The following PIBF1 variants were observed in gnomAD, a reference collection of about 807,000 sequenced individuals.
PIBF1 encodes progesterone immunomodulatory binding factor 1.
Under a neutral mutation model 112.5 loss-of-function variants are expected in PIBF1, and 90 were observed. The observed-to-expected ratio is 0.80, with a 90% CI of 0.67 to 0.95. PIBF1 has a LOEUF of 0.95. Ranked by LOEUF, PIBF1 falls within the 40% of genes least tolerant of loss-of-function variation. The pLI is 0.00. For synonymous variants in PIBF1, 301 were observed against 288.6 expected (o/e 1.04, Z -0.44); for missense variants, 915 against 852.3 (o/e 1.07, Z -0.92).
intron 16 of PIBF1, among the ~76,000 whole-genome samples, chr13:72,980,732 G>C (rs113681697): frequency 3.3e-5 from 5 of 151,882 alleles, no homozygotes; most frequent in African/African-American, 1.2e-4. Flanking sequence ...TTGAGCCCAG[G>C]AGGTGGAGGT....
intron 10 of PIBF1, among the ~76,000 whole-genome samples, chr13:72,860,316 TGTG>T (rs2038637070): frequency 3.4e-5 from 2 of 58,596 alleles, no homozygotes; most frequent in Non-Finnish European, 8.1e-5. Flanking sequence ...GGGGTGTGTG[TGTG>T]TGTGTGTGTG....
At chr13:72,908,466 A>G (rs1297106715) in intron 11 of PIBF1, 65 bp from the exon 12 acceptor site, 2 of 1,015,530 alleles carry the variant, frequency 2.0e-6, no homozygotes, top group Non-Finnish European at 2.8e-6. Flanking sequence ...TCTTTGCATC[A>G]TGTTTTTGTC....
intron 10 of PIBF1, among the ~76,000 whole-genome samples, chr13:72,887,895 AAC>A (rs1021024698): frequency 6.6e-6 from 1 of 152,158 alleles, no homozygotes; most frequent in African/African-American, 2.4e-5. Context: ...TTTTAAAAGA[AAC>A]ACATCAGAAT....
intron 8 of PIBF1, among the ~76,000 whole-genome samples, chr13:72,830,534 C>T (rs1318785329): frequency 6.6e-6 from 1 of 151,598 alleles, no homozygotes; most frequent in South Asian, 2.1e-4. Context: ...TTGAGATAAT[C>T]GTGGTTTTTG....
At chr13:72,908,226 A>T (rs1696827388) in intron 11 of PIBF1, among the ~76,000 whole-genome samples, 1 of 152,156 alleles carries the variant, frequency 6.6e-6, no homozygotes, top group Admixed American at 6.5e-5. Flanking sequence ...ATGACATTGT[A>T]TTTTTTTAAA....
intron 9 of PIBF1, among the ~76,000 whole-genome samples, chr13:72,847,108 T>C (rs939949273): frequency 2.6e-5 from 4 of 152,228 alleles, no homozygotes; most frequent in Non-Finnish European, 4.4e-5. Context: ...CCTTTTATCC[T>C]GTCAGCTACT....
rs1212151565 is a variant in PIBF1, at chr13:72,808,045, G to A, written c.672+10019G>A. On this transcript the variant is annotated intron_variant, in intron 5 of 17. Transcript: ENST00000326291. ...ATTACTGAGTGGTATTACATTGAAT[G>A]GCTCTAGTTATTTACCATTTAATGG... Among the ~76,000 whole-genome samples, 4 of 152,126 alleles carry A rather than the reference G, an allele frequency of 2.6e-5. No homozygotes were observed. In the South Asian group the frequency reaches 6.2e-4, roughly 24 times the overall value.
chr13:72,938,226 C>G (rs973670500), intron 14 of PIBF1, among the ~76,000 whole-genome samples: 2 of 151,970 alleles, frequency 1.3e-5, no homozygotes, highest in Non-Finnish European at 2.9e-5. Context: ...ACCATTTTAA[C>G]CATTTTAAAG....
intron 16 of PIBF1, among the ~76,000 whole-genome samples, chr13:72,986,708 G>T (rs935015583): frequency 8.5e-6 from 1 of 117,878 alleles, no homozygotes; most frequent in Non-Finnish European, 1.6e-5. Context: ...TTTTGAGACA[G>T]AGTCTCGCTC....
intron 5 of PIBF1, 29 bp downstream of exon 5, chr13:72,798,055 A>G (rs2035282560): frequency 1.3e-6 from 2 of 1,568,972 alleles, no homozygotes; most frequent in Non-Finnish European, 8.6e-7. Context: ...GCTGGTGGGA[A>G]GAAGCTTCGG....
chr13:72,902,813 G>A (rs1295748409), intron 11 of PIBF1, among the ~76,000 whole-genome samples: 1 of 152,086 alleles, frequency 6.6e-6, no homozygotes, highest in Non-Finnish European at 1.5e-5. Flanking sequence ...GAAGGATGCA[G>A]TTAGGAAATT....
At chr13:72,807,972 G>T (rs2035820613) in intron 5 of PIBF1, among the ~76,000 whole-genome samples, 1 of 152,066 alleles carries the variant, frequency 6.6e-6, no homozygotes, top group African/African-American at 2.4e-5. Context: ...AATTTTATGG[G>T]AAAATGCTGA....
At chr13:72,973,791 T>C in intron 16 of PIBF1, 116 bp downstream of exon 16, 1 of 607,082 alleles carries the variant, frequency 1.6e-6, no homozygotes, top group Admixed American at 3.5e-5. Context: ...CTCTTATTTA[T>C]GTCTCACTGT....
intron 10 of PIBF1, among the ~76,000 whole-genome samples, chr13:72,868,135 C>T (rs769645489): frequency 7.9e-5 from 12 of 151,944 alleles, no homozygotes; most frequent in Non-Finnish European, 1.6e-4. Flanking sequence ...CCCATCTCTG[C>T]ACACATACAA....
intron 12 of PIBF1, among the ~76,000 whole-genome samples, 165 bp downstream of exon 12, chr13:72,908,846 C>T (rs1231993935): frequency 6.7e-6 from 1 of 148,368 alleles, no homozygotes; most frequent in Non-Finnish European, 1.5e-5. Context: ...GTCAGGAGTT[C>T]GAGACCAGCC....
At chr13:72,876,522 C>G (rs968914774) in intron 10 of PIBF1, among the ~76,000 whole-genome samples, 2 of 152,130 alleles carry the variant, frequency 1.3e-5, no homozygotes, top group Non-Finnish European at 2.9e-5. Context: ...ATCAATCTTG[C>G]AAGAACTGAC....
chr13:72,851,597 G>A (rs2038160137), intron 9 of PIBF1, among the ~76,000 whole-genome samples: 1 of 152,246 alleles, frequency 6.6e-6, no homozygotes, highest in Non-Finnish European at 1.5e-5. Flanking sequence ...GCAGGAGGCA[G>A]GCTGGCTTCT....
In PIBF1 at chr13:72,832,198, C is replaced by T. The variant is rs139967857; in HGVS notation, c.1098-3045C>T. ...ATGTGTCTCCTGAATACAGCACACT[C>T]ATGGGTCTTGACTCTTCATCCGATT... On this transcript the variant is annotated intron_variant, in intron 8 of 17. Coordinates refer to ENST00000326291, the MANE Select transcript of PIBF1 (RefSeq NM_006346.4). Among the ~76,000 whole-genome samples the T allele has an allele frequency of 7.2e-3, 1,058 of 147,958 alleles. 15 individuals carry two copies. Among genetic ancestry groups the T allele is most frequent in the African/African-American group, 0.025 (1,020 of 40,490 alleles).
rs558018190 is a variant in PIBF1, at chr13:72,918,497, C to T, written c.1730+1331C>T. On this transcript the variant is annotated intron_variant, in intron 13 of 17. Transcript: ENST00000326291. ...CCACCTTCCAGGTTCAAGCAGTTCT[C>T]CTGCCTCAGTCTCCCAAGTAGCTGG... is the stretch of plus-strand genomic sequence containing the variant. 1.0e-3 allele frequency among the ~76,000 whole-genome samples: 156 copies of T among 151,002 alleles called. 2 individuals carry two copies. The highest frequency in any genetic ancestry group is 3.5e-3 in the African/African-American group (143 of 41,126).
Sources: allele counts gnomAD v4.1 joint callset (sites outside exome capture counted in the v4.1 genomes callset), GRCh38; gene constraint gnomAD v4.1.1; transcripts MANE v1.5; gene names NCBI Gene and HGNC (gene_info 2026-07-23, HGNC 2026-07-21).